Variants in NUP107 observed in about 807,000 individuals in gnomAD.
NUP107 encodes the protein nucleoporin 107.
In NUP107, 101 loss-of-function variants were observed where a neutral mutation model predicts 141.0. The observed-to-expected ratio is 0.72, with a 90% CI of 0.61 to 0.84. The LOEUF (loss-of-function observed/expected upper bound fraction) is 0.84, where lower values mean the gene tolerates loss of function less well. NUP107 is among the 40% of genes least tolerant of loss of function. NUP107 has a pLI of 0.00. For missense variants in NUP107, 941 were observed against 1,102.7 expected (o/e 0.85, Z 2.08); for synonymous variants, 319 against 363.9 (o/e 0.88, Z 1.41).
chr12:68,715,684 G>T lies in NUP107; in HGVS notation c.1027G>T (p.Glu343Ter). The T allele has an allele frequency of 6.2e-7, 1 of 1,613,392 alleles. No homozygotes were observed. Among genetic ancestry groups the T allele is most frequent in the Non-Finnish European group, 8.5e-7 (1 of 1,179,464 alleles). Residue 343 changes from glutamate to a stop codon, truncating the protein, a stop_gained, in exon 12 of 28, where the codon GAA becomes TAA. Transcript: ENST00000229179. LOFTEE classifies it high-confidence loss of function. ...CCTTGATGATCTGGATAGAGAAGAT[G>T]AAGTTAGATTACTCAAATATCTCTT... Reference protein sequence around the residue: ...MPLDDLDREDEVRLLKYLFTL... With the variant: ...MPLDDLDRED
intron 20 of NUP107, among the ~76,000 whole-genome samples, chr12:68,729,376 G>C (rs1352981462): frequency 1.3e-5 from 2 of 151,956 alleles, no homozygotes; most frequent in East Asian, 1.9e-4. Flanking sequence ...TTTTATAGTA[G>C]TAAGTGATAA....
chr12:68,732,075 G>A (rs1044788880), intron 22 of NUP107, among the ~76,000 whole-genome samples: 5 of 152,246 alleles, frequency 3.3e-5, no homozygotes, highest in South Asian at 2.1e-4. Flanking sequence ...AAGGAATCAC[G>A]TGGTTAAGTT....
Position 68,744,813 on chromosome 12 carries a change from A to G in NUP107, c.*2351A>G, listed in dbSNP as rs1296701375. The G allele has an allele frequency of 6.6e-6, 1 of 152,222 alleles. No homozygotes were observed. The highest frequency in any genetic ancestry group is 2.4e-5 in the African/African-American group (1 of 41,454). 9.4% of individuals were successfully genotyped at this position (152,222 alleles called of 1,614,324 possible). A position where few individuals can be genotyped will look rare whatever the true frequency, so the allele number is the denominator to read the frequency against. ...CCAAATGCCTCTCTTCCTGAACACC[A>G]GAAGTGGTGGGCACCTGAGTGGGAA... On this transcript the variant is annotated 3_prime_UTR_variant, in exon 28 of 28. Transcript: ENST00000229179.
At chr12:68,710,300 G>A in intron 10 of NUP107, among the ~76,000 whole-genome samples, 1 of 152,196 alleles carries the variant, frequency 6.6e-6, no homozygotes, top group Non-Finnish European at 1.5e-5. Flanking sequence ...CAAATATACA[G>A]TTGGCCCTCT....
Sources: allele counts gnomAD v4.1 joint callset (sites outside exome capture counted in the v4.1 genomes callset), GRCh38; gene constraint gnomAD v4.1.1; transcripts MANE v1.5; gene names NCBI Gene and HGNC (gene_info 2026-07-23, HGNC 2026-07-21).